Variants in NLGN1 observed in about 807,000 individuals in gnomAD.
The protein encoded by NLGN1 is neuroligin 1.
A neutral mutation model predicts 65.5 loss-of-function variants in NLGN1; 12 were observed. The ratio of observed to expected loss-of-function variants is 0.18; its 90% confidence interval spans 0.12 to 0.30. The LOEUF is 0.30. NLGN1 is among the 10% of genes least tolerant of loss of function. The pLI is 1.00. For synonymous variants in NLGN1, 350 were observed against 359.5 expected, an observed-to-expected ratio of 0.97 and a Z score of 0.30; for missense variants, 750 against 1,007.1, an observed-to-expected ratio of 0.74 and a Z score of 3.46.
At chr3:173,950,765 C>T (rs1168952630) in intron 4 of NLGN1, among the ~76,000 whole-genome samples, 2 of 150,320 alleles carry the variant, frequency 1.3e-5, no homozygotes, top group Non-Finnish European at 2.9e-5. Flanking sequence ...GCCAAGATTG[C>T]GCCATTACAC....
intron 4 of NLGN1, among the ~76,000 whole-genome samples, chr3:174,266,092 G>T (rs1748172086): frequency 6.7e-6 from 1 of 149,938 alleles, no homozygotes; most frequent in African/African-American, 2.5e-5. Flanking sequence ...GTGGCTATAT[G>T]TGCAGGTTTG....
chr3:173,808,943 G>A (rs1229238853), intron 4 of NLGN1, among the ~76,000 whole-genome samples: 1 of 152,034 alleles, frequency 6.6e-6, no homozygotes, highest in African/African-American at 2.4e-5. Flanking sequence ...CTGTGTTTAT[G>A]CTTATCACAA....
At chr3:174,237,509 T>A (rs571347774) in intron 4 of NLGN1, among the ~76,000 whole-genome samples, 1 of 152,314 alleles carries the variant, frequency 6.6e-6, no homozygotes, top group South Asian at 2.1e-4. Flanking sequence ...CAAGCATATC[T>A]GAAGTTAGCA....
chr3:173,536,084 G>A (rs1737385736), intron 2 of NLGN1, among the ~76,000 whole-genome samples: 1 of 152,138 alleles, frequency 6.6e-6, no homozygotes, highest in African/African-American at 2.4e-5. Context: ...TTTTTGGGTG[G>A]GTGGGAGCCT....
At position 174,279,284 on chromosome 3, in the gene NLGN1, G is replaced by T. The variant is rs140345298; in HGVS notation, c.1283G>T (p.Gly428Val). ...GATAATTTATATGGATATCCTGAAG[G>T]CAAAGATGTTTTGAGAGAAACCATT... Residue 428 changes from glycine (G) to valine (V), a missense_variant, in exon 6 of 7, where the codon GGC becomes GTC. Physicochemically the swap from Gly to Val is moderately radical, Grantham distance 109. Transcript: ENST00000457714. This position sits in a 1 kb window ranked among gnomAD's most constrained non-coding sequence, Gnocchi z 4.7. 6.2e-7 allele frequency: 1 copy of T among 1,613,284 alleles called. No individual in the cohort carries two copies. The highest frequency in any genetic ancestry group is 1.7e-5 in the Admixed American group (1 of 59,904).
chr3:173,568,189 T>C, intron 2 of NLGN1, among the ~76,000 whole-genome samples: 1 of 147,122 alleles, frequency 6.8e-6, no homozygotes, highest in East Asian at 2.2e-4. Context: ...TTTTCTTCCC[T>C]TTTCTTTTCT....
At chr3:173,664,287 C>A (rs894542219) in intron 3 of NLGN1, among the ~76,000 whole-genome samples, 2 of 151,948 alleles carry the variant, frequency 1.3e-5, no homozygotes, top group Admixed American at 6.6e-5. Context: ...TAAAAAAATT[C>A]AAATGGTTCT....
chr3:173,768,037 T>A (rs1779025274), intron 3 of NLGN1, among the ~76,000 whole-genome samples: 1 of 152,128 alleles, frequency 6.6e-6, no homozygotes. Context: ...GAAACAAGCT[T>A]CTCATATTGA....
chr3:173,964,116 T>C (rs963350), intron 4 of NLGN1, among the ~76,000 whole-genome samples: 25,520 of 151,982 alleles, frequency 0.17, 2,497 homozygotes, highest in East Asian at 0.37. Flanking sequence ...TTAAGGAAAC[T>C]TAAACACATC....
At chr3:173,749,670 C>A (rs552777011) in intron 3 of NLGN1, among the ~76,000 whole-genome samples, 91 of 147,430 alleles carry the variant, frequency 6.2e-4, no homozygotes, top group African/African-American at 1.9e-3. Flanking sequence ...TGCTTCTAAC[C>A]AAAAAAAAAA....
chr3:174,272,657 GGATGGATGGATAGATAGATAGATA>G (rs1201771372), intron 4 of NLGN1, among the ~76,000 whole-genome samples: 10 of 120,022 alleles, frequency 8.3e-5, no homozygotes, highest in East Asian at 5.9e-4. Flanking sequence ...ATGGATGGAT[GGATGGATGGATAGATAGATAGATA>G]GATAGATAGA....
At chr3:173,820,561 C>G (rs572493555) in intron 4 of NLGN1, among the ~76,000 whole-genome samples, 1 of 152,290 alleles carries the variant, frequency 6.6e-6, no homozygotes, top group African/African-American at 2.4e-5. Flanking sequence ...AACTACTTCT[C>G]TATGCATATG....
chr3:173,790,446 G>A (rs750912825), intron 3 of NLGN1, among the ~76,000 whole-genome samples: 75 of 152,132 alleles, frequency 4.9e-4, no homozygotes, highest in Non-Finnish European at 9.0e-4. Context: ...TACTCTCACT[G>A]TATTCTCTTT....
At chr3:173,573,610 G>A (rs1744997965) in intron 2 of NLGN1, among the ~76,000 whole-genome samples, 1 of 150,396 alleles carries the variant, frequency 6.6e-6, no homozygotes, top group African/African-American at 2.4e-5. Context: ...TGGATAATGA[G>A]TATAGGAAGA....
rs149689636 is a variant in NLGN1 at position 174,057,009 on chromosome 3, T to A, written c.647-218306T>A. On this transcript the variant is annotated intron_variant, in intron 4 of 6. Coordinates refer to ENST00000457714, the Ensembl canonical transcript of NLGN1. The stretch of plus-strand genomic sequence containing the variant: ...TTTCTTCCTGCCTAATTACATCCAG[T>A]CATTTTGTTATCCTTCTGTAATTTC... 1.4e-4 allele frequency among the ~76,000 whole-genome samples: 21 copies of A among 152,146 alleles called. No homozygotes were observed. The East Asian group carries it at 4.1e-3, about 29-fold the overall frequency.
chr3:174,154,894 T>C (rs955093296), intron 4 of NLGN1, among the ~76,000 whole-genome samples: 1 of 114,192 alleles, frequency 8.8e-6, no homozygotes, highest in Non-Finnish European at 1.8e-5. Context: ...ATAAAGATTT[T>C]CATTTTCATT....
intron 2 of NLGN1, among the ~76,000 whole-genome samples, chr3:173,517,750 TTATCTATC>T (rs368708618): frequency 0.019 from 2,862 of 147,212 alleles, 27 homozygotes; most frequent in African/African-American, 0.027. Flanking sequence ...TTTCGCAAAT[TTATCTATC>T]TATCTATCTA....
At chr3:174,252,839 C>T (rs563603167) in intron 4 of NLGN1, among the ~76,000 whole-genome samples, 5 of 152,194 alleles carry the variant, frequency 3.3e-5, no homozygotes, top group Non-Finnish European at 7.3e-5. Flanking sequence ...TTTCCACATA[C>T]TGTCTCCACG....
intron 2 of NLGN1, among the ~76,000 whole-genome samples, chr3:173,535,484 A>G (rs1267251224): frequency 6.6e-6 from 1 of 152,168 alleles, no homozygotes; most frequent in Non-Finnish European, 1.5e-5. Context: ...ATTATTCCCT[A>G]CTATATTCAG....
Sources: gnomAD v4.1 joint callset for allele counts (sites outside exome capture counted in the v4.1 genomes callset) on GRCh38, gnomAD v4.1.1 for gene constraint, Gnocchi (gnomAD v3.1) non-coding constraint, MANE v1.5 for transcripts, NCBI Gene and HGNC (gene_info 2026-07-23, HGNC 2026-07-21) for gene names.